SLC35F4: variants seen among roughly 807,000 people sequenced by gnomAD.
SLC35F4 encodes solute carrier family 35 member F4.
A neutral mutation model predicts 44.2 loss-of-function variants in SLC35F4; 24 were observed. The ratio of observed to expected loss-of-function variants is 0.54; its 90% confidence interval spans 0.39 to 0.76. The LOEUF (loss-of-function observed/expected upper bound fraction) is 0.76. Ranked by LOEUF, SLC35F4 falls within the 30% of genes least tolerant of loss-of-function variation. The probability of loss-of-function intolerance (pLI) is 0.00; values close to 1 mark genes in which losing one functional copy is unlikely to be tolerated. For synonymous variants in SLC35F4, 238 were observed against 223.6 expected (o/e 1.06, Z -0.57); for missense variants, 562 against 586.1 (o/e 0.96, Z 0.42).
chr14:57,679,679 T>C (rs1183369385), intron 1 of SLC35F4, among the ~76,000 whole-genome samples: 1 of 151,864 alleles, frequency 6.6e-6, no homozygotes, highest in Non-Finnish European at 1.5e-5. Flanking sequence ...CAATAAAAAA[T>C]GATAAAGGGG....
At chr14:57,886,221 C>G (rs548689880) in intron 1 of SLC35F4, among the ~76,000 whole-genome samples, 1 of 152,262 alleles carries the variant, frequency 6.6e-6, no homozygotes, top group East Asian at 1.9e-4. Context: ...TAGCTTAAAA[C>G]AACATGCATT....
At position 57,773,655 on chromosome 14, in the gene SLC35F4, CAA is replaced by C. The variant is rs56929264; in HGVS notation, c.103+92066_103+92067del. On this transcript the variant is annotated intron_variant, in intron 1 of 7. Transcript: ENST00000556826. ...AGATTTTTTAAAAGCAGAAAATAGA[CAA>C]AAAAAAAAGGCTCTAGAAAAACAAT... 2.5e-3 allele frequency among the ~76,000 whole-genome samples: 358 copies of C among 145,608 alleles called. 3 individuals are homozygous for C. Among genetic ancestry groups the C allele is most frequent in the African/African-American group, 7.7e-3 (310 of 40,100 alleles).
At chr14:57,914,952 C>G (rs7140638) in intron 1 of SLC35F4, among the ~76,000 whole-genome samples, 6 of 152,102 alleles carry the variant, frequency 3.9e-5, no homozygotes, top group Non-Finnish European at 8.8e-5. Context: ...GCCCCTGCAA[C>G]AAGTCTCTGT....
intron 1 of SLC35F4, among the ~76,000 whole-genome samples, chr14:57,716,626 A>G (rs1002281453): frequency 6.6e-6 from 1 of 152,250 alleles, no homozygotes; most frequent in African/African-American, 2.4e-5. Flanking sequence ...AAATAATTGT[A>G]CATATGTATG....
At chr14:57,717,500 G>T (rs1050022596) in intron 1 of SLC35F4, among the ~76,000 whole-genome samples, 2 of 152,148 alleles carry the variant, frequency 1.3e-5, no homozygotes, top group Non-Finnish European at 2.9e-5. Context: ...GCCAGGCGTG[G>T]TGTCGGGCGC....
chr14:57,708,035 GAAAT>G (rs2075721530), intron 1 of SLC35F4, among the ~76,000 whole-genome samples: 1 of 152,186 alleles, frequency 6.6e-6, no homozygotes, highest in Non-Finnish European at 1.5e-5. Flanking sequence ...CACAAGATTA[GAAAT>G]TACAGTTTAG....
Position 57,601,041 on chromosome 14 carries a change from A to G in SLC35F4, c.104-6917T>C, listed in dbSNP as rs533064383. On this transcript the variant is annotated intron_variant, in intron 1 of 7. Transcript: ENST00000556826. ...TAACTTCTCAGCACAATTCCATCGT[A>G]CTTACCAGGTATTACTCACTCCTTA... is the stretch of plus-strand genomic sequence containing the variant. Among the ~76,000 whole-genome samples, 212 of 152,278 alleles carry G rather than the reference A, an allele frequency of 1.4e-3. 1 individual carries two copies. The highest frequency in any genetic ancestry group is 4.8e-3 in the African/African-American group (201 of 41,586).
chr14:57,788,813 G>A (rs1420523102), intron 1 of SLC35F4, among the ~76,000 whole-genome samples: 2 of 152,022 alleles, frequency 1.3e-5, no homozygotes, highest in Middle Eastern at 3.4e-3. Flanking sequence ...AAAACAGTCT[G>A]TCAGACCACA....
intron 2 of SLC35F4, among the ~76,000 whole-genome samples, chr14:57,591,621 A>G (rs372464058): frequency 6.6e-6 from 1 of 152,234 alleles, no homozygotes; most frequent in African/African-American, 2.4e-5. Context: ...CTGAATCAGT[A>G]TGACTCCAGG....
chr14:57,564,195 G>A lies in SLC35F4; in HGVS notation c.1398C>T (p.Pro466=). The A allele has an allele frequency of 4.3e-6, 7 of 1,613,602 alleles. No individual in the cohort carries two copies. Among genetic ancestry groups the A allele is most frequent in the Non-Finnish European group, 5.9e-6 (7 of 1,179,800 alleles). The change falls in exon 8 of 8, where the codon CCC becomes CCT. Residue 466 remains proline (P), a synonymous_variant. Transcript: ENST00000556826. ...SEEHVDDVTD[P]SIHLRGRGRA... ...TGCCTCTGCCCCGCAGGTGTATGCT[G>A]GGATCAGTCACATCATCCACATGCT...
intron 1 of SLC35F4, among the ~76,000 whole-genome samples, chr14:57,816,135 C>G (rs1882561252): frequency 6.6e-6 from 1 of 152,160 alleles, no homozygotes; most frequent in Non-Finnish European, 1.5e-5. Context: ...TATCTGCAAT[C>G]CAGGGAGAAT....
chr14:57,680,011 T>C (rs1048561106), intron 1 of SLC35F4, among the ~76,000 whole-genome samples: 1 of 152,082 alleles, frequency 6.6e-6, no homozygotes, highest in Non-Finnish European at 1.5e-5. Flanking sequence ...GAATCCTCCC[T>C]AACTCATTTT....
At chr14:57,971,208 T>C (rs1881044744) in intron 1 of SLC35F4, among the ~76,000 whole-genome samples, 1 of 152,222 alleles carries the variant, frequency 6.6e-6, no homozygotes, top group African/African-American at 2.4e-5. Flanking sequence ...GTACATAGGT[T>C]CTTCTAAAAA....
intron 1 of SLC35F4, among the ~76,000 whole-genome samples, chr14:57,963,054 A>C (rs563407217): frequency 2.0e-5 from 3 of 152,204 alleles, no homozygotes; most frequent in Non-Finnish European, 2.9e-5. Flanking sequence ...AGTGTCAAAA[A>C]TGAGAACAGG....
chr14:57,776,665 CAAAAAAAAAAAA>C (rs57272978), intron 1 of SLC35F4, among the ~76,000 whole-genome samples: 1 of 72,072 alleles, frequency 1.4e-5, no homozygotes, highest in African/African-American at 4.6e-5. Context: ...GACTCCATCT[CAAAAAAAAAAAA>C]AAAAAAAAAA....
chr14:57,612,932 A>T (rs2071598385), intron 1 of SLC35F4, among the ~76,000 whole-genome samples: 1 of 152,240 alleles, frequency 6.6e-6, no homozygotes, highest in Non-Finnish European at 1.5e-5. Context: ...AAAGTCAATA[A>T]ACTCCAGATG....
chr14:57,598,917 A>G (rs1485032127), intron 1 of SLC35F4, among the ~76,000 whole-genome samples: 1 of 151,874 alleles, frequency 6.6e-6, no homozygotes, highest in Non-Finnish European at 1.5e-5. Context: ...GTGTGTGTAT[A>G]GAAGGGGTAG....
intron 1 of SLC35F4, among the ~76,000 whole-genome samples, chr14:57,756,635 T>A (rs1408821220): frequency 6.6e-6 from 1 of 151,992 alleles, no homozygotes; most frequent in African/African-American, 2.4e-5. Context: ...ATATCCTTAC[T>A]GACTTTTTAT....
At chr14:57,652,807 T>C (rs2073833709) in intron 1 of SLC35F4, among the ~76,000 whole-genome samples, 1 of 152,208 alleles carries the variant, frequency 6.6e-6, no homozygotes, top group Non-Finnish European at 1.5e-5. Context: ...CACAAATCTC[T>C]TCTCTGATGA....
Sources: gnomAD v4.1 joint callset for allele counts (sites outside exome capture counted in the v4.1 genomes callset) on GRCh38, gnomAD v4.1.1 for gene constraint, MANE v1.5 for transcripts, NCBI Gene and HGNC (gene_info 2026-07-23, HGNC 2026-07-21) for gene names.